The following CACNA2D3 variants were observed in gnomAD, a reference collection of about 807,000 sequenced individuals.
The protein encoded by CACNA2D3 is voltage-dependent calcium channel subunit alpha-2/delta-3.
In CACNA2D3, 60 loss-of-function variants were observed where a neutral mutation model predicts 160.6. That is an observed-to-expected ratio of 0.37 (90% confidence interval 0.30 to 0.46). The LOEUF is 0.46. CACNA2D3 is among the 20% of genes least tolerant of loss of function. The pLI is 1.00. For missense variants in CACNA2D3, 1,205 were observed against 1,365.0 expected (o/e 0.88, Z 1.85); for synonymous variants, 558 against 492.9 (o/e 1.13, Z -1.75).
intron 2 of CACNA2D3, among the ~76,000 whole-genome samples, chr3:54,236,465 A>C (rs1187920016): frequency 6.6e-6 from 1 of 152,214 alleles, no homozygotes; most frequent in East Asian, 1.9e-4. Flanking sequence ...TCTGAGATAA[A>C]GAAGTTTATT....
chr3:54,505,226 C>T (rs1019777174), intron 5 of CACNA2D3, among the ~76,000 whole-genome samples: 1 of 152,078 alleles, frequency 6.6e-6, no homozygotes, highest in African/African-American at 2.4e-5. Context: ...GCAGCCCCTC[C>T]CTCAAGAGGT....
At chr3:54,302,471 T>C (rs1703500327) in intron 2 of CACNA2D3, among the ~76,000 whole-genome samples, 4 of 152,122 alleles carry the variant, frequency 2.6e-5, no homozygotes, top group Admixed American at 2.6e-4. Flanking sequence ...TTCGGCAAGG[T>C]CCCAAGTATA....
At chr3:54,874,824 A>G (rs1323208355) in intron 18 of CACNA2D3, 2 of 151,906 alleles carry the variant, frequency 1.3e-5, no homozygotes, top group Non-Finnish European at 2.9e-5. Flanking sequence ...GTCCTTGAAG[A>G]CTCTATTTCA....
At chr3:55,040,763 G>A (rs886591899) in intron 35 of CACNA2D3, among the ~76,000 whole-genome samples, 1 of 152,070 alleles carries the variant, frequency 6.6e-6, no homozygotes, top group African/African-American at 2.4e-5. Flanking sequence ...AGGGTTTTTC[G>A]TTATTGTTAT....
At chr3:54,918,024 A>G (rs986568946) in intron 27 of CACNA2D3, among the ~76,000 whole-genome samples, 1 of 152,206 alleles carries the variant, frequency 6.6e-6, no homozygotes, top group Non-Finnish European at 1.5e-5. Flanking sequence ...GGGTAAGATC[A>G]CCAGCCTCTT....
intron 11 of CACNA2D3, among the ~76,000 whole-genome samples, chr3:54,650,582 C>G (rs541330969): frequency 3.7e-4 from 57 of 152,296 alleles, no homozygotes; most frequent in South Asian, 1.2e-3. Context: ...CCAGGCTGGT[C>G]TTGAACTTCT....
chr3:54,194,832 C>T (rs1701050027), intron 2 of CACNA2D3, among the ~76,000 whole-genome samples: 1 of 152,202 alleles, frequency 6.6e-6, no homozygotes, highest in Non-Finnish European at 1.5e-5. Context: ...ATGATTTAAT[C>T]ACCTCCTAAA....
intron 4 of CACNA2D3, among the ~76,000 whole-genome samples, chr3:54,480,029 C>G (rs1276916983): frequency 6.6e-6 from 1 of 152,088 alleles, no homozygotes; most frequent in Non-Finnish European, 1.5e-5. Context: ...CATCCCCAAA[C>G]TCCATGTGCC....
At chr3:54,876,199 G>A (rs886116665) in intron 18 of CACNA2D3, 1 of 152,168 alleles carries the variant, frequency 6.6e-6, no homozygotes, top group Non-Finnish European at 1.5e-5. Context: ...TGATTGCATT[G>A]CTCTTCCCCA....
At chr3:54,503,380 C>A in intron 4 of CACNA2D3, 112 bp from the exon 5 acceptor site, 1 of 845,608 alleles carries the variant, frequency 1.2e-6, no homozygotes, top group Non-Finnish European at 1.9e-6. Flanking sequence ...ATTATGTGAG[C>A]AGATCAGGGT....
rs1324407034 is a variant in CACNA2D3 at position 55,018,240 on chromosome 3, T to C, written c.2910T>C (p.Asp970=). The change falls in exon 35 of 38, where the codon GAT becomes GAC. Residue 970 remains aspartate, a synonymous_variant. Coordinates refer to ENST00000474759, the MANE Select transcript of CACNA2D3 (RefSeq NM_018398.3). ...QKLKQTLEPC[D]TEYPAFVSER... Reference sequence around the variant, plus strand: ...TGAAACAGACCCTGGAGCCTTGTGATACTGAATATCCAGCATTCGTCTCTG... The same window carrying C: ...TGAAACAGACCCTGGAGCCTTGTGACACTGAATATCCAGCATTCGTCTCTG... 1 of 1,613,248 alleles carries C rather than the reference T, an allele frequency of 6.2e-7. No homozygotes were observed. Among genetic ancestry groups the C allele is most frequent in the Non-Finnish European group, 8.5e-7 (1 of 1,179,418 alleles).
chr3:55,033,810 T>A (rs1703743362), intron 35 of CACNA2D3, among the ~76,000 whole-genome samples: 1 of 82,148 alleles, frequency 1.2e-5, no homozygotes, highest in Non-Finnish European at 2.6e-5. Flanking sequence ...ATAATATGTA[T>A]TATATATTAA....
chr3:54,733,482 G>A (rs553287604), intron 11 of CACNA2D3, among the ~76,000 whole-genome samples: 19 of 152,132 alleles, frequency 1.2e-4, no homozygotes, highest in Admixed American at 1.2e-3. Context: ...TAATAAGCTG[G>A]TTATGAAAAT....
At position 55,058,280 on chromosome 3, in the gene CACNA2D3, T is replaced by C. The variant is rs556216970; in HGVS notation, c.2988-15165T>C. Among the ~76,000 whole-genome samples the C allele has an allele frequency of 1.1e-3, 165 of 152,362 alleles. 1 individual carries two copies. Among genetic ancestry groups the C allele is most frequent in the Middle Eastern group, 0.01 (3 of 294 alleles). On this transcript the variant is annotated intron_variant, in intron 35 of 37. Coordinates refer to ENST00000474759, the MANE Select transcript of CACNA2D3 (RefSeq NM_018398.3). ...TAATTCAAAGCTACAAGATATATTA[T>C]TCAGAAAGCTTAGATAGAGTCAAAG...
rs1438619479 is a variant in CACNA2D3 at position 54,570,505 on chromosome 3, T to TTAA, written c.888+402_888+403insAAT. 3.6e-4 allele frequency among the ~76,000 whole-genome samples: 55 copies of TTAA among 151,322 alleles called. 2 individuals carry two copies. Among genetic ancestry groups the TTAA allele is most frequent in the African/African-American group, 1.1e-3 (46 of 41,510 alleles). ...CTGATGATATTGACGATGATAATAATTGATAATAATAATAATAATGGCAAT... is the reference window on the plus strand; with the variant it reads ...CTGATGATATTGACGATGATAATAATTAATGATAATAATAATAATAATGGCAAT... On this transcript the variant is annotated intron_variant, in intron 8 of 37. Transcript: ENST00000474759.
chr3:54,810,959 T>C (rs542150078), intron 13 of CACNA2D3, among the ~76,000 whole-genome samples: 21 of 152,336 alleles, frequency 1.4e-4, no homozygotes, highest in African/African-American at 5.0e-4. Context: ...GCCTCACCTA[T>C]TGTTCCTCAC....
At chr3:54,549,656 G>A (rs961414476) in intron 5 of CACNA2D3, among the ~76,000 whole-genome samples, 1 of 152,060 alleles carries the variant, frequency 6.6e-6, no homozygotes, top group Admixed American at 6.6e-5. Context: ...TGCAGCCCCC[G>A]CCTTTCTTTG....
intron 4 of CACNA2D3, among the ~76,000 whole-genome samples, chr3:54,448,021 C>T (rs775891405): frequency 2.0e-5 from 3 of 152,154 alleles, no homozygotes; most frequent in African/African-American, 4.8e-5. Flanking sequence ...CGAAAAGTTT[C>T]AAGGAGACAT....
At chr3:54,633,739 G>A (rs1699297311) in intron 10 of CACNA2D3, 1 of 152,198 alleles carries the variant, frequency 6.6e-6, no homozygotes, top group South Asian at 2.1e-4. Flanking sequence ...TACCTCAGAG[G>A]CCTGTAAGGA....
Sources: allele counts gnomAD v4.1 joint callset (sites outside exome capture counted in the v4.1 genomes callset), GRCh38; gene constraint gnomAD v4.1.1; transcripts MANE v1.5; gene names NCBI Gene and HGNC (gene_info 2026-07-23, HGNC 2026-07-21).